The following AKR1C2 variants were observed in gnomAD, a reference collection of about 807,000 sequenced individuals.
AKR1C2 encodes 3-alpha-HSD3.
AKR1C2 carries 27 observed loss-of-function variants against 39.8 expected under a neutral mutation model. That is an observed-to-expected ratio of 0.68 (90% CI 0.50 to 0.93). The LOEUF is 0.93. Among genes scored for constraint, AKR1C2 ranks in the 40% least tolerant of loss-of-function variants. The pLI, the probability that AKR1C2 is intolerant of heterozygous loss-of-function variation, is 0.00. For synonymous variants in AKR1C2, 114 were observed against 137.9 expected, an observed-to-expected ratio of 0.83 and a Z score of 1.22; for missense variants, 263 against 365.1, an observed-to-expected ratio of 0.72 and a Z score of 2.28.
intron 3 of AKR1C2, chr10:4,999,698 C>A (rs1327665815): frequency 2.3e-5 from 4 of 173,382 alleles, no homozygotes; most frequent in Non-Finnish European, 1.2e-5. Context: ...TGCACAGGAC[C>A]ATGAACCAAT....
chr10:5,003,109 A>C (rs1388512287), intron 1 of AKR1C2, among the ~76,000 whole-genome samples: 6 of 152,166 alleles, frequency 3.9e-5, no homozygotes, highest in African/African-American at 1.2e-4. Context: ...TTTTCTTGTC[A>C]GAGAAACAAG....
At chr10:5,005,672 A>T (rs192452253), upstream of AKR1C2, among the ~76,000 whole-genome samples, 105 of 152,224 alleles carry the variant, frequency 6.9e-4, no homozygotes, top group African/African-American at 2.5e-3. Context: ...ACAGAGCAAG[A>T]CTCCAGCTCA....
upstream of AKR1C2, among the ~76,000 whole-genome samples, chr10:5,005,804 T>G (rs1554774337): frequency 6.6e-6 from 1 of 152,222 alleles, no homozygotes; most frequent in Non-Finnish European, 1.5e-5. Flanking sequence ...GAGAAGCATT[T>G]AAACAGCTGT....
upstream of AKR1C2, among the ~76,000 whole-genome samples, chr10:5,008,381 G>T (rs536395052): frequency 6.6e-6 from 1 of 151,780 alleles, no homozygotes; most frequent in African/African-American, 2.4e-5. Context: ...CAGGCCCAAA[G>T]CTCCCCTCCT....
intron 1 of AKR1C2, among the ~76,000 whole-genome samples, chr10:5,011,545 C>T (rs2895052): frequency 6.6e-6 from 1 of 152,180 alleles, no homozygotes; most frequent in Non-Finnish European, 1.5e-5. Flanking sequence ...TCTACAAAAA[C>T]ACAAGCAGGG....
chr10:5,001,427 C>T, intron 2 of AKR1C2, 87 bp downstream of exon 2: 1 of 1,528,092 alleles, frequency 6.5e-7, no homozygotes, highest in Non-Finnish European at 8.8e-7. Flanking sequence ...ACAATTCACC[C>T]TCAACTATGG....
At chr10:4,996,178 G>A (rs532515117) in intron 5 of AKR1C2, 56 of 255,880 alleles carry the variant, frequency 2.2e-4, no homozygotes, top group East Asian at 1.7e-3. Flanking sequence ...GCATCAAATC[G>A]TGCCAGAAAT....
Position 4,989,987 on chromosome 10 carries a change from C to G in AKR1C2, c.*9G>C. On this transcript the variant is annotated 3_prime_UTR_variant, in exon 9 of 9. Coordinates refer to ENST00000380753, the MANE Select transcript of AKR1C2 (RefSeq NM_001393392.1). ...GCCTTCTGGCAGACCTCATGCAATG[C>G]CCTCCATGTTAATATTCATCAGAAA... 1 of 1,609,736 alleles carries G rather than the reference C, an allele frequency of 6.2e-7. No homozygotes were observed. The highest frequency in any genetic ancestry group is 2.2e-5 in the East Asian group (1 of 44,814).
intron 1 of AKR1C2, among the ~76,000 whole-genome samples, chr10:5,002,006 G>A (rs1185767436): frequency 6.6e-6 from 1 of 152,058 alleles, no homozygotes; most frequent in Non-Finnish European, 1.5e-5. Context: ...ATTATTTTTA[G>A]TATGGTGAAA....
chr10:5,001,399 A>G (rs1837265941), intron 2 of AKR1C2, 115 bp downstream of exon 2: 1 of 1,509,888 alleles, frequency 6.6e-7, no homozygotes, highest in South Asian at 1.4e-5. Context: ...AAGTGTGAAT[A>G]AATCGAAATA....
At chr10:4,997,774 G>T (rs1386795467) in intron 5 of AKR1C2, among the ~76,000 whole-genome samples, 1 of 152,112 alleles carries the variant, frequency 6.6e-6, no homozygotes, top group Non-Finnish European at 1.5e-5. Context: ...AAAAATGTAA[G>T]TTACTGGGAA....
At chr10:5,005,105 T>G (rs151303386), upstream of AKR1C2, among the ~76,000 whole-genome samples, 256 of 152,030 alleles carry the variant, frequency 1.7e-3, 1 homozygote, top group African/African-American at 6.1e-3. Context: ...GGAAGAGACA[T>G]GCAATAGTCC....
chr10:4,995,840 T>C lies in AKR1C2; in HGVS notation c.596A>G (p.Gln199Arg), dbSNP rs536442138. Reference sequence around the variant, plus strand: ...CTTGCAGAAATCCAGCAGTTTTCTCTGGTTGAAGTAAGGATGACATTCCAC... The same window carrying C: ...CTTGCAGAAATCCAGCAGTTTTCTCCGGTTGAAGTAAGGATGACATTCCAC... Reference protein sequence around the residue: ...NQVECHPYFNQRKLLDFCKSK... With the variant: ...NQVECHPYFNRRKLLDFCKSK... Residue 199 changes from glutamine (Q) to arginine (R), a missense_variant, in exon 6 of 9, where the codon CAG becomes CGG. This residue lies in a region of AKR1C2 where 247 missense variants were observed against 267.9 expected (regional missense o/e 0.92). Coordinates refer to ENST00000380753, the MANE Select transcript of AKR1C2 (RefSeq NM_001393392.1). The C allele has an allele frequency of 1.9e-6, 3 of 1,612,434 alleles. No homozygotes were observed. The highest frequency in any genetic ancestry group is 1.1e-5 in the South Asian group (1 of 90,736).
At chr10:5,012,405 G>C (rs1177098662) in intron 1 of AKR1C2, among the ~76,000 whole-genome samples, 3 of 151,588 alleles carry the variant, frequency 2.0e-5, no homozygotes, top group Non-Finnish European at 4.4e-5. Flanking sequence ...TAAGATAGAA[G>C]CATTTCCTGA....
chr10:5,004,691 C>T (rs1423040390), upstream of AKR1C2: 3 of 150,892 alleles, frequency 2.0e-5, no homozygotes, highest in Non-Finnish European at 4.4e-5. Flanking sequence ...TAACTAATGA[C>T]ATATAAACTG....
chr10:5,008,285 T>C (rs372537076), upstream of AKR1C2, among the ~76,000 whole-genome samples: 16,193 of 112,086 alleles, frequency 0.14, 2,101 homozygotes, highest in Non-Finnish European at 0.19. Context: ...GCAGGTTTCT[T>C]TCTGGGCATC....
upstream of AKR1C2, among the ~76,000 whole-genome samples, chr10:5,008,864 G>A (rs1250092998): frequency 5.3e-5 from 8 of 152,232 alleles, no homozygotes; most frequent in East Asian, 3.8e-4. Flanking sequence ...ATGTTTGCCA[G>A]CACTGTTTGT....
Position 5,009,641 on chromosome 10 carries a change from C to T in AKR1C2, c.-87-5719G>A, listed in dbSNP as rs187931381. ...GCCCCCACCTTTAAGCCTGGATACT[C>T]GTGCCCCTAAATGAGAACAGGCATT... On this transcript the variant is annotated intron_variant, in intron 1 of 6. Transcript: ENST00000604507. 9.7e-4 allele frequency among the ~76,000 whole-genome samples: 147 copies of T among 152,090 alleles called. 2 individuals are homozygous for T. Among genetic ancestry groups the T allele is most frequent in the African/African-American group, 3.4e-3 (140 of 41,476 alleles).
chr10:5,001,376 T>C, intron 2 of AKR1C2, 138 bp downstream of exon 2: 1 of 1,452,718 alleles, frequency 6.9e-7, no homozygotes, highest in Non-Finnish European at 9.2e-7. Flanking sequence ...GATATTAGTT[T>C]TAATACATGA....
Sources: allele counts gnomAD v4.1 joint callset (sites outside exome capture counted in the v4.1 genomes callset), GRCh38; gene constraint gnomAD v4.1.1; regional missense constraint gnomAD v4.1.1; transcripts MANE v1.5; gene names NCBI Gene and HGNC (gene_info 2026-07-23, HGNC 2026-07-21).